The following SLCO4A1 variants were observed in gnomAD, a reference collection of about 807,000 sequenced individuals.
The protein encoded by SLCO4A1 is solute carrier organic anion transporter family member 4A1, also known as colon organic anion transporter.
Under a neutral mutation model 64.6 loss-of-function variants are expected in SLCO4A1, and 51 were observed. The observed-to-expected ratio is 0.79, with a 90% CI of 0.63 to 1.00. The LOEUF (loss-of-function observed/expected upper bound fraction) is 1.00, where lower values mean the gene tolerates loss of function less well. Among genes scored for constraint, SLCO4A1 ranks in the 50% least tolerant of loss-of-function variants. The probability of loss-of-function intolerance (pLI) is 0.00; values close to 1 mark genes in which losing one functional copy is unlikely to be tolerated. For synonymous variants in SLCO4A1, 471 were observed against 444.9 expected (o/e 1.06, Z -0.74); for missense variants, 919 against 980.5 (o/e 0.94, Z 0.84).
intron 1 of SLCO4A1, among the ~76,000 whole-genome samples, chr20:62,653,929 A>T (rs73613581): frequency 1.7e-4 from 26 of 151,758 alleles, no homozygotes; most frequent in Middle Eastern, 3.4e-3. Flanking sequence ...TTAGGAGATA[A>T]ACCTAATGTA....
intron 6 of SLCO4A1, among the ~76,000 whole-genome samples, chr20:62,665,691 C>A (rs1254416214): frequency 6.6e-6 from 1 of 152,150 alleles, no homozygotes; most frequent in Non-Finnish European, 1.5e-5. Context: ...ACAGGCCCAT[C>A]CTGGCCTGGC....
chr20:62,658,798 T>C (rs1419428672), intron 3 of SLCO4A1, 31 bp downstream of exon 3: 1 of 1,541,836 alleles, frequency 6.5e-7, no homozygotes, highest in East Asian at 2.3e-5. Context: ...CTGCCTGCGC[T>C]GGAGAGGCCC....
intron 1 of SLCO4A1, among the ~76,000 whole-genome samples, chr20:62,654,949 G>A (rs761470124): frequency 1.4e-4 from 22 of 152,162 alleles, no homozygotes; most frequent in Non-Finnish European, 2.8e-4. Context: ...CCGGGCAGGG[G>A]AATGGTCTGC....
At chr20:62,643,475 G>T (rs1237540937) in intron 1 of SLCO4A1, among the ~76,000 whole-genome samples, 2 of 152,274 alleles carry the variant, frequency 1.3e-5, no homozygotes, top group Non-Finnish European at 2.9e-5. Context: ...TCAGGCTGGG[G>T]GGTGCCCCGC....
At chr20:62,670,462 G>A (rs1297218620) in intron 11 of SLCO4A1, among the ~76,000 whole-genome samples, 2 of 152,184 alleles carry the variant, frequency 1.3e-5, no homozygotes, top group Non-Finnish European at 2.9e-5. Flanking sequence ...CCAAAGCACC[G>A]GAGCACTCAC....
At chr20:62,662,181 G>T (rs1308663126) in intron 5 of SLCO4A1, among the ~76,000 whole-genome samples, 1 of 152,142 alleles carries the variant, frequency 6.6e-6, no homozygotes, top group East Asian at 1.9e-4. Context: ...GCTGTCCACG[G>T]CAGAGAGGAG....
chr20:62,653,202 C>T (rs1188907246), intron 1 of SLCO4A1, among the ~76,000 whole-genome samples: 1 of 152,222 alleles, frequency 6.6e-6, no homozygotes, highest in African/African-American at 2.4e-5. Context: ...ACCTCCGATT[C>T]CACAGAGGAG....
chr20:62,661,061 C>T lies in SLCO4A1; in HGVS notation c.1010-3C>T, dbSNP rs779582758. The T allele has an allele frequency of 1.8e-5, 16 of 902,800 alleles. No homozygotes were observed. Among genetic ancestry groups the T allele is most frequent in the Non-Finnish European group, 2.3e-5 (14 of 600,982 alleles). 55.9% of individuals were successfully genotyped at this position (902,800 alleles called of 1,614,324 possible). A position where few individuals can be genotyped will look rare whatever the true frequency, so the allele number is the denominator to read the frequency against. ...AGCCCCAGCTCACTCTGTGCCCTTCCAGGCTCCCAGCGCTACGCGGTCATG... is the reference window on the plus strand; with the variant it reads ...AGCCCCAGCTCACTCTGTGCCCTTCTAGGCTCCCAGCGCTACGCGGTCATG... On this transcript the variant is annotated splice_region_variant and splice_polypyrimidine_tract_variant and intron_variant, in intron 4 of 11. Coordinates refer to ENST00000217159, the MANE Select transcript of SLCO4A1 (RefSeq NM_016354.4). This position sits in a 1 kb window ranked among gnomAD's most constrained non-coding sequence, Gnocchi z 5.2.
Position 62,656,360 on chromosome 20 carries a change from A to G in SLCO4A1, c.-95A>G. On this transcript the variant is annotated splice_region_variant and 5_prime_UTR_variant, in exon 2 of 12. Transcript: ENST00000217159. The stretch of plus-strand genomic sequence containing the variant: ...GCTAACCAGACATTCTTCTCACAGG[A>G]CACACCAGCCCCTCGGATACCACTT... 2 of 1,069,016 alleles carry G rather than the reference A, an allele frequency of 1.9e-6. No individual in the cohort carries two copies. The highest frequency in any genetic ancestry group is 2.6e-6 in the Non-Finnish European group (2 of 764,216). The allele number at this position is 1,069,016 out of a possible 1,614,324, so 66.2% of individuals were successfully genotyped here.
At chr20:62,678,110 T>C (rs1490582727) in intron 2 of SLCO4A1, among the ~76,000 whole-genome samples, 1 of 152,216 alleles carries the variant, frequency 6.6e-6, no homozygotes, top group Non-Finnish European at 1.5e-5. Flanking sequence ...CAGTAGGTTA[T>C]GCAGCGCTGT....
intron 2 of SLCO4A1, among the ~76,000 whole-genome samples, chr20:62,657,755 C>G (rs889575923): frequency 6.6e-6 from 1 of 152,232 alleles, no homozygotes; most frequent in Non-Finnish European, 1.5e-5. Context: ...GAGACCACAC[C>G]CACGTCTGCC....
chr20:62,669,444 C>T (rs1030273664), intron 11 of SLCO4A1, among the ~76,000 whole-genome samples: 1 of 152,188 alleles, frequency 6.6e-6, no homozygotes, highest in African/African-American at 2.4e-5. Flanking sequence ...CCTGTTAGAG[C>T]GGCTTGACTA....
At chr20:62,667,216 C>T (rs1324510196) in intron 7 of SLCO4A1, among the ~76,000 whole-genome samples, 1 of 152,250 alleles carries the variant, frequency 6.6e-6, no homozygotes, top group Non-Finnish European at 1.5e-5. Context: ...ACTGCCAAGA[C>T]ATACTGTGAA....
intron 1 of SLCO4A1, chr20:62,643,201 G>A: frequency 2.8e-6 from 1 of 352,870 alleles, no homozygotes. Context: ...GCGACGTCCT[G>A]GCCGTGGCTT....
chr20:62,681,874 T>C (rs1987848767), intron 2 of SLCO4A1, among the ~76,000 whole-genome samples: 1 of 84,582 alleles, frequency 1.2e-5, no homozygotes, highest in Non-Finnish European at 2.4e-5. Flanking sequence ...ACTTTATCTG[T>C]TGCTTCTTGG....
intron 2 of SLCO4A1, among the ~76,000 whole-genome samples, chr20:62,683,574 T>C (rs1278191906): frequency 6.6e-6 from 1 of 152,170 alleles, no homozygotes; most frequent in Non-Finnish European, 1.5e-5. Context: ...ATATGAGACC[T>C]ATTGTTGGTG....
At chr20:62,688,419 T>C (rs1211923241), downstream of SLCO4A1, among the ~76,000 whole-genome samples, 11 of 151,980 alleles carry the variant, frequency 7.2e-5, no homozygotes, top group African/African-American at 2.7e-4. Context: ...CTGACCCTGC[T>C]CACCCCAACC....
intron 2 of SLCO4A1, among the ~76,000 whole-genome samples, chr20:62,679,193 G>C (rs1386858634): frequency 6.6e-6 from 1 of 152,210 alleles, no homozygotes; most frequent in Non-Finnish European, 1.5e-5. Context: ...GACAGAGCAA[G>C]ACTCTGTCTC....
In SLCO4A1 at chr20:62,644,398, G is replaced by A. The variant is rs1980954134; in HGVS notation, c.-97+1845G>A. On this transcript the variant is annotated intron_variant, in intron 1 of 11. Coordinates refer to ENST00000217159, the MANE Select transcript of SLCO4A1 (RefSeq NM_016354.4). This position sits in a 1 kb window ranked among gnomAD's most constrained non-coding sequence, Gnocchi z 5.4. Reference sequence around the variant, plus strand: ...TGACCTAATCTGTAGCTCACTGGGTGTGGCCCCTAAAGCAGGTGCTGGGCA... The same window carrying A: ...TGACCTAATCTGTAGCTCACTGGGTATGGCCCCTAAAGCAGGTGCTGGGCA... Among the ~76,000 whole-genome samples, 1 of 152,280 alleles carries A rather than the reference G, an allele frequency of 6.6e-6. No homozygotes were observed. Among genetic ancestry groups the A allele is most frequent in the African/African-American group, 2.4e-5 (1 of 41,472 alleles).
Sources: allele counts gnomAD v4.1 joint callset (sites outside exome capture counted in the v4.1 genomes callset), GRCh38; gene constraint gnomAD v4.1.1; non-coding constraint Gnocchi (gnomAD v3.1); transcripts MANE v1.5; gene names NCBI Gene and HGNC (gene_info 2026-07-23, HGNC 2026-07-21).